Variants in FDX1 observed in about 807,000 individuals in gnomAD.
FDX1 encodes the protein ferredoxin 1, also known as adrenodoxin, mitochondrial.
A neutral mutation model predicts 14.9 loss-of-function variants in FDX1; 9 were observed. The ratio of observed to expected loss-of-function variants is 0.60; its 90% CI spans 0.36 to 1.05. The LOEUF (loss-of-function observed/expected upper bound fraction) is 1.05, where lower values mean the gene tolerates loss of function less well. FDX1 is among the 50% of genes least tolerant of loss of function. The pLI is 0.01. For missense variants in FDX1, 204 were observed against 237.2 expected (o/e 0.86, Z 0.92); for synonymous variants, 92 against 99.4 (o/e 0.93, Z 0.44).
chr11:110,442,201 G>T (rs963584040), intron 2 of FDX1, among the ~76,000 whole-genome samples: 9 of 152,216 alleles, frequency 5.9e-5, no homozygotes, highest in Non-Finnish European at 1.0e-4. Context: ...TTCTGCTAGG[G>T]CAGTGCAGAA....
At chr11:110,443,416 G>T (rs2724440) in intron 2 of FDX1, among the ~76,000 whole-genome samples, 147,418 of 147,418 alleles carry the variant, frequency 1, 73,709 homozygotes, top group Non-Finnish European at 1. Flanking sequence ...TGCCGTCTGT[G>T]GTTTTTGGAC....
At chr11:110,441,420 G>T (rs141103509) in intron 2 of FDX1, among the ~76,000 whole-genome samples, 35 of 152,302 alleles carry the variant, frequency 2.3e-4, no homozygotes, top group African/African-American at 7.7e-4. Context: ...TGGCCAAAAT[G>T]CTGATAACGA....
chr11:110,457,001 G>A lies in FDX1; in HGVS notation c.394G>A (p.Asp132Asn), dbSNP rs763915888. The part of the protein sequence containing the change: ...HIYEKLDAIT[D>N]EENDMLDLAY... ...ATATGAGAAGTTAGATGCAATCACT[G>A]ATGAGGAGAATGACATGCTCGATCT... Residue 132 changes from aspartate (D) to asparagine (N), a missense_variant, in exon 3 of 4, where the codon GAT becomes AAT. Physicochemically the swap from Asp to Asn is conservative, Grantham distance 23. Coordinates refer to ENST00000260270, the MANE Select transcript of FDX1 (RefSeq NM_004109.5). 3.5e-5 allele frequency: 57 copies of A among 1,613,600 alleles called. No homozygotes were observed. The highest frequency in any genetic ancestry group is 4.5e-5 in the Non-Finnish European group (53 of 1,179,728).
chr11:110,434,782 G>A (rs1233148962), intron 1 of FDX1, among the ~76,000 whole-genome samples: 2 of 142,818 alleles, frequency 1.4e-5, no homozygotes, highest in South Asian at 2.3e-4. Flanking sequence ...CCAGGTTAGA[G>A]TGCAATGGTG....
chr11:110,452,366 A>G (rs997474113), intron 2 of FDX1, among the ~76,000 whole-genome samples: 19 of 152,282 alleles, frequency 1.2e-4, no homozygotes, highest in African/African-American at 4.3e-4. Flanking sequence ...TATCCCGGCT[A>G]TGTAAAAAGC....
intron 3 of FDX1, among the ~76,000 whole-genome samples, chr11:110,460,664 C>G (rs1242379655): frequency 6.6e-6 from 1 of 152,168 alleles, no homozygotes; most frequent in Non-Finnish European, 1.5e-5. Flanking sequence ...TCATCTCATC[C>G]CTTTGATTGA....
intron 2 of FDX1, among the ~76,000 whole-genome samples, chr11:110,439,817 A>G (rs1946394051): frequency 1.3e-5 from 2 of 152,112 alleles, no homozygotes; most frequent in Admixed American, 1.3e-4. Context: ...TAGATCTTAC[A>G]TTTAAGTCTT....
In FDX1 at chr11:110,463,599, T is replaced by A. The variant is rs935216544; in HGVS notation, c.*1131T>A. ...TTAGTAGAAAGAGGTTATAAGACAA[T>A]TGAGTTAGCTTCATGTGTATTATTG... On this transcript the variant is annotated 3_prime_UTR_variant, in exon 4 of 4. Coordinates refer to ENST00000260270, the MANE Select transcript of FDX1 (RefSeq NM_004109.5). 4 of 152,214 alleles carry A rather than the reference T, an allele frequency of 2.6e-5. No individual in the cohort carries two copies. Among genetic ancestry groups the A allele is most frequent in the Non-Finnish European group, 5.9e-5 (4 of 68,042 alleles). 9.4% of individuals were successfully genotyped at this position (152,214 alleles called of 1,614,324 possible).
chr11:110,432,118 G>A (rs1296999586), intron 1 of FDX1, among the ~76,000 whole-genome samples: 1 of 152,198 alleles, frequency 6.6e-6, no homozygotes, highest in Admixed American at 6.5e-5. Context: ...CTTATAGACA[G>A]ACAGAGCAGT....
chr11:110,439,662 G>A (rs1946393326), intron 2 of FDX1, among the ~76,000 whole-genome samples: 1 of 152,160 alleles, frequency 6.6e-6, no homozygotes, highest in Non-Finnish European at 1.5e-5. Flanking sequence ...TTTCTTTAAT[G>A]TGTCGAAGCT....
In FDX1 at chr11:110,430,046, C is replaced by T; in HGVS notation, c.-75C>T. ...TCGGGCGTCTGCGCCGCAGCTGCCG[C>T]CCCCGCCTCTTTGGAGTCTCTCGCG... On this transcript the variant is annotated 5_prime_UTR_variant, in exon 1 of 4. Coordinates refer to ENST00000260270, the MANE Select transcript of FDX1 (RefSeq NM_004109.5). 2.8e-6 allele frequency: 3 copies of T among 1,086,636 alleles called. No individual in the cohort carries two copies. Among genetic ancestry groups the T allele is most frequent in the Non-Finnish European group, 3.5e-6 (3 of 864,236 alleles). 67.3% of individuals were successfully genotyped at this position (1,086,636 alleles called of 1,614,324 possible).
At chr11:110,443,273 CG>C (rs1946416791) in intron 2 of FDX1, among the ~76,000 whole-genome samples, 1 of 148,672 alleles carries the variant, frequency 6.7e-6, no homozygotes, top group African/African-American at 2.5e-5. Flanking sequence ...TGCCCTGCCC[CG>C]CTACCTTTTT....
Position 110,430,114 on chromosome 11 carries a change from G to A in FDX1, c.-7G>A. 7 of 1,232,326 alleles carry A rather than the reference G, an allele frequency of 5.7e-6. No individual in the cohort carries two copies. The highest frequency in any genetic ancestry group is 7.1e-6 in the Non-Finnish European group (7 of 989,688). The allele number at this position is 1,232,326 out of a possible 1,614,324, so 76.3% of individuals were successfully genotyped here. ...GCGTCGCTTCCGGCAGTTCCCGACC[G>A]CGGGCGATGGCTGCCGCTGGGGGCG... On this transcript the variant is annotated 5_prime_UTR_variant, in exon 1 of 4. Coordinates refer to ENST00000260270, the MANE Select transcript of FDX1 (RefSeq NM_004109.5).
rs71476086 is a variant in FDX1 at position 110,434,334 on chromosome 11, A to ATTTGCTTTTTTT, written c.186-1497_186-1496insGCTTTTTTTTTT. ...CACTGGAAAAGCAATCGCCCTATTG[A>ATTTGCTTTTTTT]TTTTTTTTTTTTTTTTTTTGGAGAC... On this transcript the variant is annotated intron_variant, in intron 1 of 3. Transcript: ENST00000260270. 7.1e-5 allele frequency among the ~76,000 whole-genome samples: 9 copies of ATTTGCTTTTTTT among 126,382 alleles called. 1 individual carries two copies. Among genetic ancestry groups the ATTTGCTTTTTTT allele is most frequent in the Admixed American group, 1.7e-4 (2 of 11,756 alleles). The allele number at this position is 126,382 out of a possible 152,430, so 82.9% of individuals were successfully genotyped here. A position where few individuals can be genotyped will look rare whatever the true frequency, so the allele number is the denominator to read the frequency against.
At chr11:110,459,293 AG>A (rs1946542425) in intron 3 of FDX1, among the ~76,000 whole-genome samples, 1 of 152,248 alleles carries the variant, frequency 6.6e-6, no homozygotes, top group East Asian at 1.9e-4. Context: ...TGAAGCTCTC[AG>A]AACAGTGCTT....
At chr11:110,436,295 A>G (rs116914612) in intron 2 of FDX1, among the ~76,000 whole-genome samples, 1,533 of 152,298 alleles carry the variant, frequency 0.01, 9 homozygotes, top group Non-Finnish European at 0.013. Context: ...GTACTTAAAT[A>G]TCTTGAATGT....
intron 2 of FDX1, among the ~76,000 whole-genome samples, chr11:110,438,794 G>A (rs1250328675): frequency 6.6e-6 from 1 of 152,018 alleles, no homozygotes; most frequent in East Asian, 1.9e-4. Context: ...GAAGTTATTT[G>A]TTTTTTGCTT....
intron 1 of FDX1, among the ~76,000 whole-genome samples, chr11:110,434,861 G>T (rs968856737): frequency 6.6e-6 from 1 of 151,236 alleles, no homozygotes; most frequent in Non-Finnish European, 1.5e-5. Flanking sequence ...TGAGTAGCTG[G>T]TACTATGGGC....
chr11:110,454,911 T>G (rs958026129), intron 2 of FDX1, among the ~76,000 whole-genome samples: 11 of 152,338 alleles, frequency 7.2e-5, no homozygotes, highest in South Asian at 4.2e-4. Flanking sequence ...TGAACTTCAC[T>G]ATATGGTCTC....
Sources: gnomAD v4.1 joint callset for allele counts (sites outside exome capture counted in the v4.1 genomes callset) on GRCh38, gnomAD v4.1.1 for gene constraint, MANE v1.5 for transcripts, NCBI Gene and HGNC (gene_info 2026-07-23, HGNC 2026-07-21) for gene names.